The following PHACTR1 variants were observed in gnomAD, a reference collection of about 807,000 sequenced individuals.
The protein encoded by PHACTR1 is phosphatase and actin regulator 1, also known as RPEL repeat containing 1.
PHACTR1 carries 16 observed loss-of-function variants against 69.2 expected under a neutral mutation model. The observed-to-expected ratio is 0.23, with a 90% CI of 0.16 to 0.35. The LOEUF (loss-of-function observed/expected upper bound fraction) is 0.35, where lower values mean the gene tolerates loss of function less well. Among genes scored for constraint, PHACTR1 ranks in the 10% least tolerant of loss-of-function variants. The pLI is 1.00. For synonymous variants in PHACTR1, 312 were observed against 284.5 expected (o/e 1.10, Z -0.97); for missense variants, 510 against 734.7 (o/e 0.69, Z 3.54).
At chr6:12,925,227 G>A (rs1788144272) in intron 4 of PHACTR1, among the ~76,000 whole-genome samples, 1 of 152,078 alleles carries the variant, frequency 6.6e-6, no homozygotes, top group African/African-American at 2.4e-5. Context: ...TTCTGTTGAG[G>A]GCTCAACTGA....
In PHACTR1 at chr6:12,784,704, A is replaced by G. The variant is rs369778584; in HGVS notation, c.250+34914A>G. On this transcript the variant is annotated intron_variant, in intron 4 of 14. Coordinates refer to ENST00000332995, the MANE Select transcript of PHACTR1 (RefSeq NM_030948.6). ...TCCACACGTGTATATATATGTATTT[A>G]TAAATATTTTATTTTTATTTTATTT... Among the ~76,000 whole-genome samples the G allele has an allele frequency of 6.6e-5, 10 of 151,856 alleles. No homozygotes were observed. The East Asian group carries it at 1.5e-3, about 23-fold the overall frequency.
chr6:13,095,543 G>C (rs1240473518), intron 5 of PHACTR1, among the ~76,000 whole-genome samples: 2 of 152,116 alleles, frequency 1.3e-5, no homozygotes, highest in Admixed American at 1.3e-4. Flanking sequence ...AATATGTATT[G>C]TGGGATCCTC....
intron 4 of PHACTR1, among the ~76,000 whole-genome samples, chr6:13,000,756 T>A (rs1582902347): frequency 6.6e-6 from 1 of 152,136 alleles, no homozygotes; most frequent in Non-Finnish European, 1.5e-5. Context: ...TGGCTGCAGG[T>A]CACCATTTGT....
At chr6:12,718,910 T>C (rs1761748523) in intron 3 of PHACTR1, 63 bp downstream of exon 3, 1 of 982,740 alleles carries the variant, frequency 1.0e-6, no homozygotes, top group Non-Finnish European at 1.5e-6. Context: ...AACAGCCATG[T>C]AGGCTGTAGC....
chr6:12,880,953 T>A (rs1010551222), intron 4 of PHACTR1, among the ~76,000 whole-genome samples: 1 of 151,896 alleles, frequency 6.6e-6, no homozygotes, highest in Non-Finnish European at 1.5e-5. Flanking sequence ...AAAAAAGAAA[T>A]GAAATGGCGT....
At chr6:12,735,931 G>A (rs1169585316) in intron 3 of PHACTR1, among the ~76,000 whole-genome samples, 1 of 152,180 alleles carries the variant, frequency 6.6e-6, no homozygotes, top group Non-Finnish European at 1.5e-5. Flanking sequence ...AAACAAGGCA[G>A]CCACCTCCTC....
At chr6:12,996,997 C>T (rs1797491055) in intron 4 of PHACTR1, among the ~76,000 whole-genome samples, 1 of 152,024 alleles carries the variant, frequency 6.6e-6, no homozygotes, top group Non-Finnish European at 1.5e-5. Flanking sequence ...GAAACCTCAT[C>T]TCTACCAAAA....
At chr6:13,243,089 T>A (rs570730897) in intron 10 of PHACTR1, among the ~76,000 whole-genome samples, 1 of 151,394 alleles carries the variant, frequency 6.6e-6, no homozygotes, top group Non-Finnish European at 1.5e-5. Context: ...TCTCTTGCCA[T>A]TTTTTTTTCC....
chr6:13,134,218 C>T (rs1583514932), intron 5 of PHACTR1, among the ~76,000 whole-genome samples: 1 of 149,750 alleles, frequency 6.7e-6, no homozygotes, highest in Admixed American at 6.6e-5. Flanking sequence ...GGGGCAGCCC[C>T]CGCCCCGCCA....
At chr6:12,794,777 G>A (rs73722849) in intron 4 of PHACTR1, among the ~76,000 whole-genome samples, 9,810 of 152,254 alleles carry the variant, frequency 0.064, 430 homozygotes, top group Admixed American at 0.1. Context: ...TCTGGTGGCT[G>A]CCATATTGCT....
intron 7 of PHACTR1, chr6:13,185,035 G>T: frequency 3.0e-6 from 4 of 1,329,454 alleles, no homozygotes; most frequent in Non-Finnish European, 4.0e-6. Flanking sequence ...GGGGCAAGCA[G>T]TCCCTCCTTC....
intron 3 of PHACTR1, among the ~76,000 whole-genome samples, chr6:12,746,217 A>C (rs1765766546): frequency 6.6e-6 from 1 of 152,230 alleles, no homozygotes; most frequent in Non-Finnish European, 1.5e-5. Flanking sequence ...ATGGAAGATA[A>C]CAATTAGAAA....
intron 5 of PHACTR1, among the ~76,000 whole-genome samples, chr6:13,134,795 TAAAAAAAA>T (rs35318262): frequency 0.015 from 1,648 of 111,348 alleles, 24 homozygotes; most frequent in South Asian, 0.02. Flanking sequence ...CAATAAATAC[TAAAAAAAA>T]AAAAAAAAAA....
Position 13,208,633 on chromosome 6 carries a change from C to T in PHACTR1, c.986+2497C>T, listed in dbSNP as rs1014558343. Reference sequence around the variant, plus strand: ...AGCAGCCAACGTCATTGCTGCCCACCCCCCCAACCCCATGTCTACATGCAC... The same window carrying T: ...AGCAGCCAACGTCATTGCTGCCCACTCCCCCAACCCCATGTCTACATGCAC... On this transcript the variant is annotated intron_variant, in intron 8 of 14. Coordinates refer to ENST00000332995, the MANE Select transcript of PHACTR1 (RefSeq NM_030948.6). Among the ~76,000 whole-genome samples, 12 of 150,522 alleles carry T rather than the reference C, an allele frequency of 8.0e-5. No individual in the cohort carries two copies. In the South Asian group the frequency reaches 1.3e-3, roughly 16 times the overall value.
intron 4 of PHACTR1, among the ~76,000 whole-genome samples, chr6:12,833,966 G>A (rs1052227101): frequency 1.4e-4 from 21 of 152,080 alleles, no homozygotes; most frequent in African/African-American, 4.8e-5. Flanking sequence ...CATCGTTTTT[G>A]TAAATCAAGG....
At chr6:13,165,048 T>C (rs1338747091) in intron 6 of PHACTR1, among the ~76,000 whole-genome samples, 1 of 152,156 alleles carries the variant, frequency 6.6e-6, no homozygotes, top group Non-Finnish European at 1.5e-5. Context: ...TAGTTTGATC[T>C]CTAGATATAT....
At chr6:13,233,421 G>T (rs1006105023) in intron 10 of PHACTR1, among the ~76,000 whole-genome samples, 14 of 152,152 alleles carry the variant, frequency 9.2e-5, no homozygotes, top group African/African-American at 3.4e-4. Context: ...TATTCAGTTT[G>T]CTGCTATGAA....
intron 4 of PHACTR1, among the ~76,000 whole-genome samples, chr6:12,940,827 C>T (rs1789984155): frequency 6.6e-6 from 1 of 152,160 alleles, no homozygotes; most frequent in Admixed American, 6.5e-5. Flanking sequence ...TAATATGTAT[C>T]ATTTGGACAG....
At chr6:13,276,372 C>T (rs1042298775) in intron 11 of PHACTR1, among the ~76,000 whole-genome samples, 2 of 152,244 alleles carry the variant, frequency 1.3e-5, no homozygotes, top group Admixed American at 6.5e-5. Flanking sequence ...TCTGACCTTA[C>T]ACCACTTGTG....
Sources: allele counts gnomAD v4.1 joint callset (sites outside exome capture counted in the v4.1 genomes callset), GRCh38; gene constraint gnomAD v4.1.1; transcripts MANE v1.5; gene names NCBI Gene and HGNC (gene_info 2026-07-23, HGNC 2026-07-21).